Variants in FANCM observed in about 807,000 individuals in gnomAD.
FANCM encodes the protein Fanconi anemia group M protein.
A neutral mutation model predicts 199.5 loss-of-function variants in FANCM; 140 were observed. The observed-to-expected ratio is 0.70, with a 90% CI of 0.61 to 0.81. The LOEUF (loss-of-function observed/expected upper bound fraction) is 0.81. Ranked by LOEUF, FANCM falls within the 30% of genes least tolerant of loss-of-function variation. The probability of loss-of-function intolerance (pLI) is 0.00; values close to 1 mark genes in which losing one functional copy is unlikely to be tolerated. For missense variants in FANCM, 2,410 were observed against 2,421.4 expected (o/e 1.00, Z 0.10); for synonymous variants, 840 against 836.8 (o/e 1.00, Z -0.07).
chr14:45,167,353 G>T (rs1376108559), intron 11 of FANCM, 190 bp downstream of exon 11: 2 of 566,588 alleles, frequency 3.5e-6, no homozygotes, highest in Non-Finnish European at 6.3e-6. Context: ...AGTATAGAGT[G>T]ACAGAAACTC....
chr14:45,137,491 A>G (rs751845869), intron 2 of FANCM: 9 of 473,756 alleles, frequency 1.9e-5, no homozygotes, highest in South Asian at 4.3e-5. Flanking sequence ...TAACCAGATA[A>G]TTAGTGTCAG....
At chr14:45,140,577 C>A in intron 2 of FANCM, 55 bp from the exon 3 acceptor site, 1 of 913,908 alleles carries the variant, frequency 1.1e-6, no homozygotes, top group Admixed American at 1.7e-5. Flanking sequence ...TTTAACAGAA[C>A]CACTGTTATT....
At chr14:45,152,685 G>T (rs1886910586) in intron 5 of FANCM, among the ~76,000 whole-genome samples, 1 of 152,182 alleles carries the variant, frequency 6.6e-6, no homozygotes, top group Non-Finnish European at 1.5e-5. Context: ...AGACCAATTT[G>T]GCTGAGGATT....
chr14:45,171,720 TG>T (rs1888355544), intron 12 of FANCM, among the ~76,000 whole-genome samples: 4 of 149,988 alleles, frequency 2.7e-5, no homozygotes, highest in Non-Finnish European at 4.5e-5. Context: ...TGTGTGTGTG[TG>T]TGCATGTGTG....
At chr14:45,168,235 G>A (rs750981278) in intron 11 of FANCM, among the ~76,000 whole-genome samples, 22 of 151,930 alleles carry the variant, frequency 1.4e-4, no homozygotes, top group Non-Finnish European at 2.8e-4. Context: ...GTCAATCAAT[G>A]TTTTTTTGGC....
chr14:45,177,573 A>G (rs1175338218), intron 14 of FANCM, among the ~76,000 whole-genome samples: 2 of 151,896 alleles, frequency 1.3e-5, no homozygotes, highest in Non-Finnish European at 2.9e-5. Context: ...TGTATTTTTA[A>G]TAGAGGTGGG....
intron 12 of FANCM, among the ~76,000 whole-genome samples, chr14:45,171,449 G>GTA (rs1888333982): frequency 6.6e-6 from 1 of 151,918 alleles, no homozygotes; most frequent in Admixed American, 6.6e-5. Flanking sequence ...TGCACCCAAT[G>GTA]TATAGTCTTT....
chr14:45,168,935 T>G (rs1888158497), intron 11 of FANCM, among the ~76,000 whole-genome samples: 1 of 138,534 alleles, frequency 7.2e-6, no homozygotes, highest in Non-Finnish European at 1.5e-5. Context: ...TTTTATTTTA[T>G]TTTTTTGAGA....
At chr14:45,178,217 C>T (rs1334271347) in intron 14 of FANCM, among the ~76,000 whole-genome samples, 1 of 152,128 alleles carries the variant, frequency 6.6e-6, no homozygotes, top group Non-Finnish European at 1.5e-5. Flanking sequence ...ACTGGAAATA[C>T]ATTTAATTTT....
At chr14:45,187,174 G>A (rs1889452194) in intron 18 of FANCM, among the ~76,000 whole-genome samples, 1 of 151,674 alleles carries the variant, frequency 6.6e-6, no homozygotes, top group South Asian at 2.1e-4. Context: ...TTCCATTTTA[G>A]ACACAGTATG....
intron 18 of FANCM, among the ~76,000 whole-genome samples, chr14:45,185,802 C>CAATAAAGAGTTA: frequency 6.6e-6 from 1 of 152,164 alleles, no homozygotes. Context: ...TAAAGAGTTA[C>CAATAAAGAGTTA]AGAAAAATAA....
chr14:45,159,818 T>C (rs1016370345), intron 9 of FANCM, among the ~76,000 whole-genome samples: 15 of 152,256 alleles, frequency 9.9e-5, no homozygotes, highest in African/African-American at 3.4e-4. Context: ...TTCTAAGTGC[T>C]GTGATGTTTT....
At position 45,200,685 on chromosome 14, in the gene FANCM, G is replaced by A. The variant is rs1021705341; in HGVS notation, c.*677G>A. ...CCTGGAACGTGATTAGCTCATGGGG[G>A]CGGTTCCCCCATGCTGTTCTAGTGA... On this transcript the variant is annotated 3_prime_UTR_variant, in exon 23 of 23. Transcript: ENST00000267430. 1 of 152,192 alleles carries A rather than the reference G, an allele frequency of 6.6e-6. No individual in the cohort carries two copies. Among genetic ancestry groups the A allele is most frequent in the East Asian group, 1.9e-4 (1 of 5,190 alleles). The allele number at this position is 152,192 out of a possible 1,614,324, so 9.4% of individuals were successfully genotyped here.
chr14:45,164,218 T>G (rs1433178961), intron 9 of FANCM, 141 bp from the exon 10 acceptor site: 1 of 719,154 alleles, frequency 1.4e-6, no homozygotes, highest in Admixed American at 2.1e-5. Context: ...GTGTTGACAT[T>G]ACAGGCATGA....
chr14:45,199,984 A>C lies in FANCM; in HGVS notation c.6123A>C (p.Gln2041His). ...AAATGTTACCAAATGATCTTAACCAAGATAGACTGAAATCTGATATATAAT... is the reference window on the plus strand; with the variant it reads ...AAATGTTACCAAATGATCTTAACCACGATAGACTGAAATCTGATATATAAT... ...DIQMLPNDLN[Q>H]DRLKSDI Residue 2041 changes from glutamine (Q) to histidine (H), a missense_variant, in exon 23 of 23, where the codon CAA becomes CAC. By Grantham distance (24) the Gln-to-His change is conservative. Coordinates refer to ENST00000267430, the MANE Select transcript of FANCM (RefSeq NM_020937.4). 4 of 1,609,176 alleles carry C rather than the reference A, an allele frequency of 2.5e-6. No individual in the cohort carries two copies. Among genetic ancestry groups the C allele is most frequent in the Non-Finnish European group, 2.6e-6 (3 of 1,176,358 alleles).
At position 45,176,667 on chromosome 14, in the gene FANCM, C is replaced by T. The variant is rs752859049; in HGVS notation, c.3913C>T (p.Pro1305Ser). 6.2e-7 allele frequency: 1 copy of T among 1,613,598 alleles called. No homozygotes were observed. The highest frequency in any genetic ancestry group is 8.5e-7 in the Non-Finnish European group (1 of 1,179,786). ...IIPSNEDMQN[P>S]NYVHLPLSAA... ...CCCATCAAATGAAGATATGCAGAAT[C>T]CAAATTATGTACATTTGCCACTGAG... Residue 1305 changes from proline to serine, a missense_variant, in exon 14 of 23, where the codon CCA (proline) becomes TCA (serine). Pro to Ser is a moderately conservative substitution (Grantham distance 74). Transcript: ENST00000267430.
chr14:45,176,057 A>G lies in FANCM; in HGVS notation c.3303A>G (p.Gln1101=). ...NENLVPNNRV[Q]IHRSPAQNLV... ...ATTTAGTACCTAACAATCGTGTTCA[A>G]ATACACAGAAGCCCTGCACAGAATT... The change falls in exon 14 of 23, where the codon CAA becomes CAG. Residue 1101 remains glutamine, a synonymous_variant. Transcript: ENST00000267430. The G allele has an allele frequency of 6.2e-7, 1 of 1,614,110 alleles. No homozygotes were observed. The highest frequency in any genetic ancestry group is 8.5e-7 in the Non-Finnish European group (1 of 1,179,960).
rs755390711 is a variant in FANCM at position 45,167,121 on chromosome 14, C to CG, written c.1962dup (p.Asn655GlufsTer12). ...TGTCTATGAACCAGAGAAGCCTTCT[C>CG]GGAACTTGCAGCGAAAGTCATCTAT... On this transcript the variant is annotated frameshift_variant, in exon 11 of 23. Transcript: ENST00000267430. LOFTEE classifies it high-confidence loss of function. 6.2e-7 allele frequency: 1 copy of CG among 1,613,700 alleles called. No homozygotes were observed. The highest frequency in any genetic ancestry group is 8.5e-7 in the Non-Finnish European group (1 of 1,179,686).
At chr14:45,177,213 C>T (rs893987807) in intron 14 of FANCM, among the ~76,000 whole-genome samples, 1 of 150,138 alleles carries the variant, frequency 6.7e-6, no homozygotes, top group Non-Finnish European at 1.5e-5. Flanking sequence ...ATGAAATACA[C>T]GAAGATGAGT....
Sources: gnomAD v4.1 joint callset for allele counts (sites outside exome capture counted in the v4.1 genomes callset) on GRCh38, gnomAD v4.1.1 for gene constraint, MANE v1.5 for transcripts, NCBI Gene and HGNC (gene_info 2026-07-23, HGNC 2026-07-21) for gene names.